Variants in MTTP observed in about 807,000 individuals in gnomAD.
MTTP encodes the protein microsomal triglyceride transfer protein large subunit.
In MTTP, 49 loss-of-function variants were observed where a neutral mutation model predicts 90.6. The ratio of observed to expected loss-of-function variants is 0.54; its 90% CI spans 0.43 to 0.69. The LOEUF (loss-of-function observed/expected upper bound fraction) is 0.69, where lower values mean the gene tolerates loss of function less well. Among genes scored for constraint, MTTP ranks in the 30% least tolerant of loss-of-function variants. The pLI, the probability that MTTP is intolerant of heterozygous loss-of-function variation, is 0.00. For synonymous variants in MTTP, 347 were observed against 384.2 expected, an observed-to-expected ratio of 0.90 and a Z score of 1.13; for missense variants, 945 against 1,067.5, an observed-to-expected ratio of 0.89 and a Z score of 1.60.
At chr4:99,590,999 C>G (rs1725402672) in intron 4 of MTTP, among the ~76,000 whole-genome samples, 2 of 151,944 alleles carry the variant, frequency 1.3e-5, no homozygotes, top group African/African-American at 4.8e-5. Context: ...GTAGGAAATC[C>G]CACATTATTT....
chr4:99,596,026 A>G (rs1197117636), intron 7 of MTTP, among the ~76,000 whole-genome samples: 2 of 152,070 alleles, frequency 1.3e-5, no homozygotes, highest in Non-Finnish European at 2.9e-5. Flanking sequence ...TGTAAATTCT[A>G]TTGCAGCCCT....
intron 15 of MTTP, among the ~76,000 whole-genome samples, chr4:99,613,773 T>C (rs1726022381): frequency 6.6e-6 from 1 of 152,194 alleles, no homozygotes; most frequent in Admixed American, 6.5e-5. Context: ...CTTATGATAC[T>C]GTACCAAAAA....
chr4:99,600,545 G>A lies in MTTP; in HGVS notation c.1068-20G>A, dbSNP rs748248864. On this transcript the variant is annotated intron_variant, in intron 8 of 17. Coordinates refer to ENST00000265517, the MANE Select transcript of MTTP (RefSeq NM_001386140.1). ...CCTTCCCCTAAACATTGATATCCAT[G>A]ATTATGCCTTTTTTTATAGACCTCA... The A allele has an allele frequency of 7.4e-6, 12 of 1,611,030 alleles. No homozygotes were observed. The highest frequency in any genetic ancestry group is 1.0e-5 in the Non-Finnish European group (12 of 1,177,592).
intron 8 of MTTP, 36 bp from the exon 9 acceptor site, chr4:99,600,529 A>T (rs1463141760): frequency 6.3e-7 from 1 of 1,596,900 alleles, no homozygotes. Flanking sequence ...TCCTTCCCCT[A>T]AACATTGATA....
intron 10 of MTTP, among the ~76,000 whole-genome samples, chr4:99,605,116 T>C (rs1317643313): frequency 6.6e-6 from 1 of 152,174 alleles, no homozygotes; most frequent in African/African-American, 2.4e-5. Flanking sequence ...TTCTTGAACA[T>C]GTGAAATAGT....
chr4:99,613,223 A>ATCCTC, intron 15 of MTTP, 83 bp downstream of exon 15: 2 of 1,264,878 alleles, frequency 1.6e-6, no homozygotes, highest in Non-Finnish European at 2.2e-6. Flanking sequence ...CTTGGAGGAT[A>ATCCTC]CAAGACAAAA....
intron 15 of MTTP, among the ~76,000 whole-genome samples, chr4:99,614,373 A>T (rs1726046629): frequency 6.6e-6 from 1 of 152,238 alleles, no homozygotes; most frequent in South Asian, 2.1e-4. Flanking sequence ...TATCTTAGGT[A>T]TTAGACTGTA....
At chr4:99,580,574 CAAAAAAAAAAA>C (rs563138284) in intron 1 of MTTP, among the ~76,000 whole-genome samples, 2 of 39,880 alleles carry the variant, frequency 5.0e-5, no homozygotes, top group East Asian at 1.4e-3. Context: ...GACTCTGTCT[CAAAAAAAAAAA>C]AAAAAAAAAA....
At chr4:99,622,295 G>A (rs1252834563) in intron 17 of MTTP, among the ~76,000 whole-genome samples, 2 of 152,126 alleles carry the variant, frequency 1.3e-5, no homozygotes, top group Non-Finnish European at 2.9e-5. Context: ...TTCTCTGTCC[G>A]CATTCTCTGC....
At chr4:99,581,780 C>A in intron 1 of MTTP, 125 bp from the exon 2 acceptor site, 1 of 923,318 alleles carries the variant, frequency 1.1e-6, no homozygotes, top group Non-Finnish European at 1.8e-6. Flanking sequence ...GAAGTAGCAC[C>A]ATGTTTCAAT....
upstream of MTTP, among the ~76,000 whole-genome samples, chr4:99,573,183 A>G (rs939038594): frequency 2.0e-5 from 3 of 152,174 alleles, no homozygotes; most frequent in African/African-American, 7.2e-5. Context: ...ATGAAAATAC[A>G]TAAGGACAGC....
upstream of MTTP, among the ~76,000 whole-genome samples, chr4:99,573,646 A>AC (rs1308692824): frequency 6.6e-6 from 1 of 152,112 alleles, no homozygotes; most frequent in Admixed American, 6.6e-5. Flanking sequence ...TTTAAATTGC[A>AC]TTGTGTCTGT....
chr4:99,581,648 T>C (rs1725117584), intron 1 of MTTP, among the ~76,000 whole-genome samples: 1 of 152,192 alleles, frequency 6.6e-6, no homozygotes, highest in African/African-American at 2.4e-5. Flanking sequence ...TATCTATAGT[T>C]CAACCATGGC....
At chr4:99,575,978 A>AAT (rs1423167210) in intron 1 of MTTP, among the ~76,000 whole-genome samples, 1 of 152,214 alleles carries the variant, frequency 6.6e-6, no homozygotes, top group African/African-American at 2.4e-5. Flanking sequence ...TTGTGTAGAA[A>AAT]ATTTCCACAT....
Position 99,597,099 on chromosome 4 carries a change from C to A in MTTP, c.942C>A (p.Tyr314Ter). Residue 314 changes from tyrosine (Y) to a stop codon, truncating the protein, a stop_gained, in exon 8 of 18, where the codon TAC (tyrosine) becomes TAA (stop). Transcript: ENST00000265517. LOFTEE classifies it high-confidence loss of function. ...AGCTCTGGCGGTCCACCAGGAAATA[C>A]CTGCAGCCTGACAACCTTTCCAAGG... Reference protein sequence around the residue: ...LSELWRSTRKYLQPDNLSKAE... With the variant: ...LSELWRSTRK 1 of 1,613,910 alleles carries A rather than the reference C, an allele frequency of 6.2e-7. No homozygotes were observed. The highest frequency in any genetic ancestry group is 1.3e-5 in the African/African-American group (1 of 75,008).
At chr4:99,602,341 C>T (rs1244255027) in intron 10 of MTTP, among the ~76,000 whole-genome samples, 1 of 152,078 alleles carries the variant, frequency 6.6e-6, no homozygotes, top group Non-Finnish European at 1.5e-5. Context: ...TTAAGTATAA[C>T]TAAATATGGA....
chr4:99,594,616 C>T, intron 6 of MTTP, 117 bp from the exon 7 acceptor site: 2 of 1,172,266 alleles, frequency 1.7e-6, no homozygotes, highest in East Asian at 2.5e-5. Context: ...GTTTGAAAGA[C>T]ATGGCTATAT....
At chr4:99,590,886 T>C (rs1156259650) in intron 4 of MTTP, among the ~76,000 whole-genome samples, 1 of 151,904 alleles carries the variant, frequency 6.6e-6, no homozygotes, top group Non-Finnish European at 1.5e-5. Context: ...AGAATCTAGA[T>C]ACAGCATTAA....
At chr4:99,598,605 T>G (rs1357518828) in intron 8 of MTTP, among the ~76,000 whole-genome samples, 2 of 151,272 alleles carry the variant, frequency 1.3e-5, no homozygotes, top group Non-Finnish European at 2.9e-5. Flanking sequence ...AATTGGAAAA[T>G]TTAGTTTAAA....
Sources: allele counts gnomAD v4.1 joint callset (sites outside exome capture counted in the v4.1 genomes callset), GRCh38; gene constraint gnomAD v4.1.1; transcripts MANE v1.5; gene names NCBI Gene and HGNC (gene_info 2026-07-23, HGNC 2026-07-21).